The following ZBTB20 variants were observed in gnomAD, a reference collection of about 807,000 sequenced individuals.
The protein encoded by ZBTB20 is zinc finger and BTB domain containing 20, also known as zinc finger and BTB domain-containing protein 20.
ZBTB20 carries 9 observed loss-of-function variants against 56.9 expected under a neutral mutation model. The ratio of observed to expected loss-of-function variants is 0.16; its 90% CI spans 0.10 to 0.28. The LOEUF is 0.28. ZBTB20 is among the 10% of genes least tolerant of loss of function. ZBTB20 has a pLI of 1.00. For synonymous variants in ZBTB20, 417 were observed against 420.7 expected (o/e 0.99, Z 0.11); for missense variants, 655 against 1,003.0 (o/e 0.65, Z 4.69).
At chr3:114,456,717 T>C (rs566959854) in intron 7 of ZBTB20, among the ~76,000 whole-genome samples, 15 of 152,302 alleles carry the variant, frequency 9.8e-5, no homozygotes, top group African/African-American at 3.6e-4. Context: ...AATGGGTAAT[T>C]GAAGGTCCAG....
chr3:114,380,509 A>T (rs2084186503), intron 9 of ZBTB20, 105 bp from the exon 10 acceptor site: 2 of 1,345,062 alleles, frequency 1.5e-6, no homozygotes. Flanking sequence ...CTGAAGGGGG[A>T]TGGGAGGGAG....
At position 114,332,915 on chromosome 3, in the gene ZBTB20, G is replaced by C. The variant is rs2079314100; in HGVS notation, c.*6090C>G. 1.3e-5 allele frequency: 2 copies of C among 152,146 alleles called. No individual in the cohort carries two copies. Among genetic ancestry groups the C allele is most frequent in the South Asian group, 4.1e-4 (2 of 4,822 alleles). 9.4% of individuals were successfully genotyped at this position (152,146 alleles called of 1,614,324 possible). A position where few individuals can be genotyped will look rare whatever the true frequency, so the allele number is the denominator to read the frequency against. The stretch of plus-strand genomic sequence containing the variant: ...AGGGCATTTTTACCCATCATGCAGT[G>C]AGGAGAAAATACATAGTTCTGAAAA... On this transcript the variant is annotated 3_prime_UTR_variant, in exon 12 of 12. Coordinates refer to ENST00000675478, the MANE Select transcript of ZBTB20 (RefSeq NM_001348800.3).
At chr3:114,965,244 T>C (rs2077603779) in intron 3 of ZBTB20, among the ~76,000 whole-genome samples, 1 of 152,234 alleles carries the variant, frequency 6.6e-6, no homozygotes, top group Admixed American at 6.5e-5. Context: ...AAAAGTTGTA[T>C]ATACTTATGA....
chr3:114,350,059 A>G (rs756009212), intron 11 of ZBTB20, among the ~76,000 whole-genome samples: 36 of 151,944 alleles, frequency 2.4e-4, no homozygotes, highest in Middle Eastern at 3.2e-3. Context: ...TCCCTTCTCC[A>G]TAAAGGGTTC....
At chr3:115,060,787 A>G (rs2081984734) in intron 2 of ZBTB20, among the ~76,000 whole-genome samples, 1 of 152,188 alleles carries the variant, frequency 6.6e-6, no homozygotes, top group Admixed American at 6.5e-5. Context: ...AAATTTTCTT[A>G]GCTAACAACC....
intron 1 of ZBTB20, among the ~76,000 whole-genome samples, chr3:115,118,734 TGAGACG>T (rs1172721088): frequency 1.5e-5 from 2 of 132,032 alleles, no homozygotes; most frequent in Non-Finnish European, 3.3e-5. Context: ...TTTTTTTTTT[TGAGACG>T]GAGTCTCGCT....
intron 7 of ZBTB20, among the ~76,000 whole-genome samples, chr3:114,414,351 G>A (rs2088292603): frequency 6.6e-6 from 1 of 152,112 alleles, no homozygotes; most frequent in African/African-American, 2.4e-5. Flanking sequence ...AATGGAAGAT[G>A]AGAAACACAA....
At chr3:114,364,814 A>G (rs553540683) in intron 10 of ZBTB20, among the ~76,000 whole-genome samples, 24 of 152,284 alleles carry the variant, frequency 1.6e-4, no homozygotes, top group Non-Finnish European at 1.5e-5. Flanking sequence ...TTTTTCAACT[A>G]CTGTAGCCCC....
intron 6 of ZBTB20, among the ~76,000 whole-genome samples, chr3:114,562,859 A>G (rs1309847212): frequency 1.3e-5 from 2 of 152,226 alleles, no homozygotes. Context: ...TATTGATTAA[A>G]TTTGTCATCT....
chr3:114,706,194 A>G (rs1164496447), intron 5 of ZBTB20, among the ~76,000 whole-genome samples: 3 of 152,180 alleles, frequency 2.0e-5, no homozygotes, highest in Non-Finnish European at 4.4e-5. Flanking sequence ...CCTCATTTTC[A>G]TCACCTGTGG....
intron 4 of ZBTB20, among the ~76,000 whole-genome samples, chr3:114,874,721 T>G (rs1385511720): frequency 6.6e-6 from 1 of 152,164 alleles, no homozygotes; most frequent in Non-Finnish European, 1.5e-5. Context: ...ACTCCCTTAA[T>G]TTTTCAGTTC....
intron 1 of ZBTB20, among the ~76,000 whole-genome samples, chr3:115,087,974 T>A (rs1506020): frequency 0.99 from 150,519 of 152,018 alleles, 74,540 homozygotes; most frequent in Middle Eastern, 1. Flanking sequence ...TGGCCCCAAA[T>A]GGTTCATTGT....
chr3:114,810,001 A>C (rs1389971397), intron 4 of ZBTB20, among the ~76,000 whole-genome samples: 1 of 152,198 alleles, frequency 6.6e-6, no homozygotes, highest in Non-Finnish European at 1.5e-5. Context: ...GTGTTAACAC[A>C]GTTTAGTGGT....
chr3:115,019,308 A>C (rs998497174), intron 2 of ZBTB20, among the ~76,000 whole-genome samples: 6 of 151,254 alleles, frequency 4.0e-5, no homozygotes, highest in Non-Finnish European at 8.9e-5. Context: ...TTTTGAGGTA[A>C]AAAGAAAACT....
intron 7 of ZBTB20, among the ~76,000 whole-genome samples, chr3:114,452,293 TA>T (rs1559807022): frequency 6.6e-6 from 1 of 152,126 alleles, no homozygotes; most frequent in Non-Finnish European, 1.5e-5. Context: ...TAAGCACTAT[TA>T]AAAGCATTAA....
intron 6 of ZBTB20, among the ~76,000 whole-genome samples, chr3:114,672,399 T>C (rs1177001765): frequency 3.3e-5 from 5 of 152,098 alleles, no homozygotes; most frequent in Non-Finnish European, 2.9e-5. Flanking sequence ...GGATGAAAAA[T>C]TAAACATTGC....
intron 3 of ZBTB20, among the ~76,000 whole-genome samples, chr3:114,959,149 G>C (rs1390935476): frequency 1.3e-5 from 2 of 152,106 alleles, no homozygotes; most frequent in Middle Eastern, 3.2e-3. Flanking sequence ...AATTAGAGAT[G>C]AACAGCTAAC....
intron 2 of ZBTB20, among the ~76,000 whole-genome samples, chr3:115,013,365 C>T (rs562647347): frequency 1.4e-4 from 21 of 151,418 alleles, no homozygotes; most frequent in African/African-American, 5.1e-4. Context: ...CAACTGATAC[C>T]GCAGAATTTA....
At chr3:114,618,640 A>AACAGTCTGTGTACAGT (rs1337532092) in intron 6 of ZBTB20, among the ~76,000 whole-genome samples, 1 of 152,206 alleles carries the variant, frequency 6.6e-6, no homozygotes, top group African/African-American at 2.4e-5. Flanking sequence ...ATAATGAAGA[A>AACAGTCTGTGTACAGT]ACAGTCTGTG....
Sources: allele counts gnomAD v4.1 joint callset (sites outside exome capture counted in the v4.1 genomes callset), GRCh38; gene constraint gnomAD v4.1.1; transcripts MANE v1.5; gene names NCBI Gene and HGNC (gene_info 2026-07-23, HGNC 2026-07-21).